Variants in ARHGAP29 observed in about 807,000 individuals in gnomAD.
ARHGAP29 encodes rho GTPase-activating protein 29.
A neutral mutation model predicts 122.6 loss-of-function variants in ARHGAP29; 43 were observed. The observed-to-expected ratio is 0.35, with a 90% CI of 0.27 to 0.45. The LOEUF is 0.45. Among genes scored for constraint, ARHGAP29 ranks in the 20% least tolerant of loss-of-function variants. ARHGAP29 has a pLI of 1.00. For missense variants in ARHGAP29, 1,303 were observed against 1,477.2 expected, an observed-to-expected ratio of 0.88 and a Z score of 1.93; for synonymous variants, 506 against 497.1, an observed-to-expected ratio of 1.02 and a Z score of -0.24.
At chr1:94,288,770 C>CT in the ARHGAP29 span, among the ~76,000 whole-genome samples, 1 of 152,122 alleles carries the variant, frequency 6.6e-6, no homozygotes, top group Non-Finnish European at 1.5e-5. Context: ...TTCCCCATTT[C>CT]TTGTTTTTGT....
chr1:94,204,830 G>A (rs1651091704), intron 7 of ARHGAP29, among the ~76,000 whole-genome samples: 1 of 152,108 alleles, frequency 6.6e-6, no homozygotes, highest in Non-Finnish European at 1.5e-5. Flanking sequence ...CTTCTTTGAA[G>A]GCAGAGACAG....
At chr1:94,279,961 C>G (rs1655296635), upstream of ARHGAP29, among the ~76,000 whole-genome samples, 1 of 152,000 alleles carries the variant, frequency 6.6e-6, no homozygotes, top group African/African-American at 2.4e-5. Flanking sequence ...GTTGTTTGTT[C>G]TTTTAGTTTT....
chr1:94,241,714 AATTTATATATAATATAT>A (rs902362628), upstream of ARHGAP29, among the ~76,000 whole-genome samples: 3 of 13,160 alleles, frequency 2.3e-4, no homozygotes, highest in Admixed American at 4.2e-3. Flanking sequence ...TATGATATAT[AATTTATATATAATATAT>A]ATTTATATAT....
At chr1:94,294,855 G>A in the ARHGAP29 span, among the ~76,000 whole-genome samples, 3 of 152,226 alleles carry the variant, frequency 2.0e-5, no homozygotes, top group Admixed American at 6.5e-5. Flanking sequence ...AGAGTTTTGA[G>A]AAGAAAACAG....
chr1:94,298,197 T>C, the ARHGAP29 span, among the ~76,000 whole-genome samples: 2 of 152,236 alleles, frequency 1.3e-5, no homozygotes, highest in Non-Finnish European at 1.5e-5. Context: ...TTCTAACTTA[T>C]GTACGTATAC....
the ARHGAP29 span, among the ~76,000 whole-genome samples, chr1:94,301,723 CT>C: frequency 1.3e-5 from 2 of 152,162 alleles, no homozygotes; most frequent in African/African-American, 4.8e-5. Context: ...GAATGCCTTT[CT>C]GCAACAGCCA....
the ARHGAP29 span, among the ~76,000 whole-genome samples, chr1:94,294,266 GCACA>G: frequency 1.0e-4 from 15 of 150,104 alleles, no homozygotes; most frequent in East Asian, 2.1e-3. Flanking sequence ...ACATACATGT[GCACA>G]CACACACACA....
At chr1:94,174,780 T>C (rs1648986804) in intron 22 of ARHGAP29, 31 bp from the exon 23 acceptor site, 1 of 1,597,596 alleles carries the variant, frequency 6.3e-7, no homozygotes, top group Non-Finnish European at 8.5e-7. Context: ...TTTAAGTTTG[T>C]GGCACATGGT....
In ARHGAP29 at chr1:94,186,619, A is replaced by C. The variant is rs776055878; in HGVS notation, c.1682-22T>G. ...TCTCCTAGAAGAAAATTGTGGATAC[A>C]ATTACCTGACCATTCATTGTAGAAT... is the stretch of plus-strand genomic sequence containing the variant. On this transcript the variant is annotated intron_variant, in intron 15 of 22. Transcript: ENST00000260526. The C allele has an allele frequency of 3.3e-6, 5 of 1,515,286 alleles. No homozygotes were observed. In the African/African-American group the frequency reaches 5.5e-5, roughly 17 times the overall value. The allele number at this position is 1,515,286 out of a possible 1,614,324, so 93.9% of individuals were successfully genotyped here.
At chr1:94,231,806 C>A (rs1477503052) in intron 1 of ARHGAP29, among the ~76,000 whole-genome samples, 163 bp from the exon 2 acceptor site, 1 of 152,108 alleles carries the variant, frequency 6.6e-6, no homozygotes, top group Non-Finnish European at 1.5e-5. Context: ...AATAATCAAT[C>A]ACTGTATTAT....
intron 22 of ARHGAP29, 127 bp from the exon 23 acceptor site, chr1:94,174,876 A>G: frequency 1.9e-6 from 2 of 1,067,064 alleles, no homozygotes; most frequent in Non-Finnish European, 2.7e-6. Flanking sequence ...TAATATTCTC[A>G]GTTACCTATG....
intron 1 of ARHGAP29, among the ~76,000 whole-genome samples, chr1:94,233,631 T>A (rs1487513992): frequency 6.6e-6 from 1 of 152,214 alleles, no homozygotes; most frequent in African/African-American, 2.4e-5. Context: ...CTGTGCAATG[T>A]CATATGGAGA....
chr1:94,221,098 C>A (rs1295090230), intron 2 of ARHGAP29, among the ~76,000 whole-genome samples: 1 of 152,132 alleles, frequency 6.6e-6, no homozygotes, highest in East Asian at 1.9e-4. Flanking sequence ...CAGAGCGATG[C>A]AGTTTTATTA....
At chr1:94,210,496 C>T (rs1419817929) in intron 3 of ARHGAP29, among the ~76,000 whole-genome samples, 2 of 152,128 alleles carry the variant, frequency 1.3e-5, no homozygotes, top group Admixed American at 6.6e-5. Flanking sequence ...GCCTATAAAT[C>T]CCATGAAATT....
intron 1 of ARHGAP29, among the ~76,000 whole-genome samples, chr1:94,258,516 CT>C (rs905534729): frequency 4.6e-5 from 7 of 152,290 alleles, no homozygotes; most frequent in Non-Finnish European, 1.0e-4. Flanking sequence ...TGCCTTCCCT[CT>C]TTGGAGACCT....
chr1:94,203,785 T>C, intron 8 of ARHGAP29, 145 bp downstream of exon 8: 2 of 680,750 alleles, frequency 2.9e-6, no homozygotes, highest in Non-Finnish European at 4.9e-6. Context: ...TGGACATCCA[T>C]CTAAACTTAA....
intron 3 of ARHGAP29, among the ~76,000 whole-genome samples, chr1:94,219,977 G>A (rs528874640): frequency 6.6e-6 from 1 of 152,250 alleles, no homozygotes; most frequent in East Asian, 1.9e-4. Context: ...GAAAGAGCGT[G>A]CACTCATTCA....
the ARHGAP29 span, among the ~76,000 whole-genome samples, chr1:94,309,497 C>T: frequency 6.6e-6 from 1 of 152,330 alleles, no homozygotes; most frequent in South Asian, 2.1e-4. Flanking sequence ...AACATGTCCC[C>T]GCTTTTTCTA....
chr1:94,205,753 C>T (rs1321119012), intron 5 of ARHGAP29, 70 bp from the exon 6 acceptor site: 6 of 1,433,482 alleles, frequency 4.2e-6, no homozygotes, highest in Non-Finnish European at 5.8e-6. Context: ...AATTTTTTTG[C>T]CCCAATTTGT....
Sources: allele counts gnomAD v4.1 joint callset (sites outside exome capture counted in the v4.1 genomes callset), GRCh38; gene constraint gnomAD v4.1.1; transcripts MANE v1.5; gene names NCBI Gene and HGNC (gene_info 2026-07-23, HGNC 2026-07-21).